MRRF: variants seen among roughly 807,000 people sequenced by gnomAD.
The protein encoded by MRRF is ribosome-recycling factor, mitochondrial.
MRRF carries 18 observed loss-of-function variants against 25.1 expected under a neutral mutation model. The ratio of observed to expected loss-of-function variants is 0.72; its 90% CI spans 0.50 to 1.06. The LOEUF (loss-of-function observed/expected upper bound fraction) is 1.06. MRRF is among the 50% of genes least tolerant of loss of function. The pLI, the probability that MRRF is intolerant of heterozygous loss-of-function variation, is 0.00. For missense variants in MRRF, 323 were observed against 319.3 expected (o/e 1.01, Z -0.09); for synonymous variants, 113 against 112.1 (o/e 1.01, Z -0.05).
rs771122985 is a variant in MRRF, at chr9:122,325,501, A to C, written c.*2884A>C. ...CTTCTCTCCTACAGCCTCTCTCAAAAAGAAACACTGGGTATGGAAATTCTC... is the reference window on the plus strand; with the variant it reads ...CTTCTCTCCTACAGCCTCTCTCAAACAGAAACACTGGGTATGGAAATTCTC... On this transcript the variant is annotated 3_prime_UTR_variant, in exon 7 of 7. Coordinates refer to ENST00000344641, the MANE Select transcript of MRRF (RefSeq NM_138777.5). 1.7e-4 allele frequency: 26 copies of C among 152,292 alleles called. No individual in the cohort carries two copies. Among genetic ancestry groups the C allele is most frequent in the Admixed American group, 5.9e-4 (9 of 15,298 alleles). 9.4% of individuals were successfully genotyped at this position (152,292 alleles called of 1,614,324 possible). A position where few individuals can be genotyped will look rare whatever the true frequency, so the allele number is the denominator to read the frequency against.
intron 5 of MRRF, among the ~76,000 whole-genome samples, chr9:122,300,616 A>G (rs985086018): frequency 6.6e-6 from 1 of 152,202 alleles, no homozygotes. Context: ...ACTAATAAGT[A>G]ATATTTTATT....
At chr9:122,278,861 T>G (rs1225679691) in intron 2 of MRRF, among the ~76,000 whole-genome samples, 2 of 152,150 alleles carry the variant, frequency 1.3e-5, no homozygotes, top group Non-Finnish European at 2.9e-5. Context: ...TTGAAACTTG[T>G]GTTTCTCAAT....
intron 1 of MRRF, among the ~76,000 whole-genome samples, chr9:122,266,001 G>T (rs1832057065): frequency 2.0e-5 from 3 of 152,222 alleles, no homozygotes; most frequent in African/African-American, 7.2e-5. Flanking sequence ...TGGAGGCAAC[G>T]CTGGGAAGCC....
chr9:122,322,710 A>G lies in MRRF; in HGVS notation c.*93A>G, dbSNP rs560626251. ...ACTTCTCTCCCTCCCCCATCTACACAGAAGACTGTCACCATGCTGACAGAA... is the reference window on the plus strand; with the variant it reads ...ACTTCTCTCCCTCCCCCATCTACACGGAAGACTGTCACCATGCTGACAGAA... On this transcript the variant is annotated 3_prime_UTR_variant, in exon 7 of 7. Transcript: ENST00000344641. 5.5e-4 allele frequency: 613 copies of G among 1,105,618 alleles called. 1 individual carries two copies. Among genetic ancestry groups the G allele is most frequent in the Admixed American group, 1.5e-3 (78 of 52,550 alleles). 68.5% of individuals were successfully genotyped at this position (1,105,618 alleles called of 1,614,324 possible). A position where few individuals can be genotyped will look rare whatever the true frequency, so the allele number is the denominator to read the frequency against.
In MRRF at chr9:122,280,467, C is replaced by T. The variant is rs764372197; in HGVS notation, c.209C>T (p.Thr70Ile). 20 of 1,614,084 alleles carry T rather than the reference C, an allele frequency of 1.2e-5. No homozygotes were observed. The highest frequency in any genetic ancestry group is 1.7e-5 in the Admixed American group (1 of 60,012). ...GCCAAAGGGAAAGGACAGTCCCAAACCAGAGTGAATATTAATGCTGCCTTG... is the reference window on the plus strand; with the variant it reads ...GCCAAAGGGAAAGGACAGTCCCAAATCAGAGTGAATATTAATGCTGCCTTG... Reference protein sequence around the residue: ...AKAKGKGQSQTRVNINAALVE... With the variant: ...AKAKGKGQSQIRVNINAALVE... The change falls in exon 3 of 7, where the codon ACC (threonine) becomes ATC (isoleucine). Residue 70 changes from threonine (T) to isoleucine (I), a missense_variant. Physicochemically the swap from Thr to Ile is moderately conservative, Grantham distance 89 (BLOSUM62 -1). Transcript: ENST00000344641.
At chr9:122,276,290 A>C (rs1191929812) in intron 2 of MRRF, among the ~76,000 whole-genome samples, 2 of 151,440 alleles carry the variant, frequency 1.3e-5, no homozygotes, top group African/African-American at 2.4e-5. Flanking sequence ...GCTTCCTATA[A>C]GGTTGTTTAT....
At chr9:122,292,026 A>G (rs1295520273) in intron 5 of MRRF, among the ~76,000 whole-genome samples, 186 bp downstream of exon 5, 1 of 152,202 alleles carries the variant, frequency 6.6e-6, no homozygotes, top group African/African-American at 2.4e-5. Context: ...GTTATGTACT[A>G]GATGTGAGGT....
chr9:122,271,837 C>T (rs1832482284), intron 2 of MRRF, among the ~76,000 whole-genome samples: 1 of 152,190 alleles, frequency 6.6e-6, no homozygotes, highest in Non-Finnish European at 1.5e-5. Context: ...GTCACACCAG[C>T]AATTTGCAGT....
chr9:122,298,596 G>A lies in MRRF; in HGVS notation c.551+6756G>A, dbSNP rs906336660. Among the ~76,000 whole-genome samples the A allele has an allele frequency of 2.0e-5, 3 of 152,128 alleles. No individual in the cohort carries two copies. In the East Asian group the frequency reaches 5.8e-4, roughly 29 times the overall value. On this transcript the variant is annotated intron_variant, in intron 5 of 6. Transcript: ENST00000344641. ...GACAACCACTTGTCTGCTTTTATGA[G>A]GATATAGAGTTTTTATGCTGAAATG...
At chr9:122,282,352 G>A (rs1028760349) in intron 3 of MRRF, among the ~76,000 whole-genome samples, 4 of 152,092 alleles carry the variant, frequency 2.6e-5, no homozygotes, top group African/African-American at 4.8e-5. Flanking sequence ...TTGATTTATC[G>A]TCAAAGCATT....
chr9:122,303,206 GT>G (rs1834583084), intron 5 of MRRF, among the ~76,000 whole-genome samples: 1 of 151,654 alleles, frequency 6.6e-6, no homozygotes, highest in Admixed American at 6.6e-5. Context: ...TTGTTCCCCA[GT>G]TGTTCTTCCC....
intron 6 of MRRF, among the ~76,000 whole-genome samples, chr9:122,315,010 C>G (rs530815865): frequency 7.2e-4 from 109 of 152,102 alleles, no homozygotes; most frequent in African/African-American, 2.4e-3. Flanking sequence ...ACTAGCTGCT[C>G]CCCTTCTCCT....
At chr9:122,293,541 T>C (rs114595903) in intron 5 of MRRF, among the ~76,000 whole-genome samples, 1 of 152,348 alleles carries the variant, frequency 6.6e-6, no homozygotes, top group African/African-American at 2.4e-5. Context: ...TCTTGTTCCA[T>C]TGTGTTCTCA....
At chr9:122,285,431 T>C in intron 4 of MRRF, 144 bp downstream of exon 4, 1 of 741,506 alleles carries the variant, frequency 1.3e-6, no homozygotes, top group Non-Finnish European at 2.5e-6. Context: ...AAGGCAAAGC[T>C]CTTTTCCTGT....
intron 4 of MRRF, among the ~76,000 whole-genome samples, chr9:122,286,956 G>A (rs1351449206): frequency 1.3e-5 from 2 of 152,148 alleles, no homozygotes; most frequent in Admixed American, 6.6e-5. Flanking sequence ...AGCCACATTG[G>A]TCTTTCAGTT....
chr9:122,316,725 G>A (rs1413208457), intron 6 of MRRF, among the ~76,000 whole-genome samples: 2 of 151,372 alleles, frequency 1.3e-5, no homozygotes, highest in Non-Finnish European at 2.9e-5. Flanking sequence ...TATTATCAAA[G>A]TAATATATGT....
chr9:122,285,961 G>T, intron 4 of MRRF: 2 of 1,304,004 alleles, frequency 1.5e-6, no homozygotes, highest in Non-Finnish European at 2.0e-6. Flanking sequence ...GTTGTATTAG[G>T]TCATTGCATC....
intron 6 of MRRF, among the ~76,000 whole-genome samples, chr9:122,317,573 A>G (rs950384685): frequency 7.2e-5 from 11 of 152,322 alleles, no homozygotes; most frequent in African/African-American, 2.6e-4. Context: ...AAAATATTTT[A>G]TAGACATGGT....
intron 5 of MRRF, among the ~76,000 whole-genome samples, chr9:122,297,701 G>A (rs928518403): frequency 1.3e-5 from 2 of 152,162 alleles, no homozygotes; most frequent in Non-Finnish European, 2.9e-5. Flanking sequence ...CCGTAATTGG[G>A]AAAGAAGTGA....
Sources: allele counts gnomAD v4.1 joint callset (sites outside exome capture counted in the v4.1 genomes callset), GRCh38; gene constraint gnomAD v4.1.1; transcripts MANE v1.5; gene names NCBI Gene and HGNC (gene_info 2026-07-23, HGNC 2026-07-21).